IL1R2: variants seen among roughly 807,000 people sequenced by gnomAD.
IL1R2 encodes interleukin-1 receptor type 2.
In IL1R2, 46 loss-of-function variants were observed where a neutral mutation model predicts 39.5. That is an observed-to-expected ratio of 1.16 (90% CI 0.92 to 1.49). The LOEUF (loss-of-function observed/expected upper bound fraction) is 1.49, where lower values mean the gene tolerates loss of function less well. Ranked by LOEUF, IL1R2 falls within the 40% of genes most tolerant of loss-of-function variation. The pLI, the probability that IL1R2 is intolerant of heterozygous loss-of-function variation, is 0.00. For missense variants in IL1R2, 537 were observed against 502.0 expected (o/e 1.07, Z -0.67); for synonymous variants, 207 against 189.6 (o/e 1.09, Z -0.75).
intron 1 of IL1R2, among the ~76,000 whole-genome samples, chr2:102,007,528 G>C (rs1273556057): frequency 6.6e-6 from 1 of 152,110 alleles, no homozygotes; most frequent in African/African-American, 2.4e-5. Flanking sequence ...ATAAAGCAGG[G>C]TTCTGTCAAC....
chr2:101,995,660 C>T (rs752647458), intron 1 of IL1R2, among the ~76,000 whole-genome samples: 24 of 152,170 alleles, frequency 1.6e-4, no homozygotes, highest in Admixed American at 1.3e-3. Flanking sequence ...GTGGTGCCTG[C>T]CCTCCAAGGT....
chr2:102,019,602 G>A (rs200141150), intron 4 of IL1R2, 36 bp from the exon 5 acceptor site: 2 of 1,421,668 alleles, frequency 1.4e-6, no homozygotes, highest in African/African-American at 1.4e-5. Flanking sequence ...ATGTATATTG[G>A]TATAATGTCA....
intron 1 of IL1R2, among the ~76,000 whole-genome samples, chr2:101,998,515 A>G (rs1190040756): frequency 2.6e-4 from 39 of 152,252 alleles, no homozygotes; most frequent in Non-Finnish European, 2.9e-5. Context: ...CAACTATTTT[A>G]TGATAACTCC....
chr2:102,010,534 C>A (rs1271483200), intron 3 of IL1R2, among the ~76,000 whole-genome samples: 1 of 150,958 alleles, frequency 6.6e-6, no homozygotes, highest in Non-Finnish European at 1.5e-5. Flanking sequence ...GGAGATCGAG[C>A]CACTGCGCTC....
intron 1 of IL1R2, among the ~76,000 whole-genome samples, chr2:101,993,290 G>C (rs901634711): frequency 6.6e-6 from 1 of 152,082 alleles, no homozygotes; most frequent in African/African-American, 2.4e-5. Context: ...AGCTTGCCTG[G>C]GATGAGCTGC....
At chr2:102,004,492 CAA>C (rs34596104) in intron 1 of IL1R2, among the ~76,000 whole-genome samples, 15,758 of 99,176 alleles carry the variant, frequency 0.16, 900 homozygotes, top group East Asian at 0.43. Context: ...GGTTATTTGA[CAA>C]AAAAAAAAAA....
intron 3 of IL1R2, among the ~76,000 whole-genome samples, chr2:102,014,975 A>AATAATAATAATAATC (rs778619176): frequency 7.2e-5 from 10 of 138,350 alleles, no homozygotes; most frequent in African/African-American, 2.9e-4. Flanking sequence ...TAATAATAAT[A>AATAATAATAATAATC]ATCATATAAT....
At chr2:101,998,562 G>A (rs1025774036) in intron 1 of IL1R2, among the ~76,000 whole-genome samples, 2 of 152,232 alleles carry the variant, frequency 1.3e-5, no homozygotes, top group African/African-American at 4.8e-5. Flanking sequence ...GGCTCAACTA[G>A]GTGATTCTTC....
chr2:102,001,740 C>A (rs374711302), intron 1 of IL1R2, among the ~76,000 whole-genome samples: 9 of 152,134 alleles, frequency 5.9e-5, no homozygotes, highest in African/African-American at 2.2e-4. Flanking sequence ...TTAAAAAATA[C>A]ATTCTATATT....
At position 102,026,827 on chromosome 2, in the gene IL1R2, A is replaced by G. The variant is rs537782049; in HGVS notation, c.1030+574A>G. Among the ~76,000 whole-genome samples, 611 of 152,354 alleles carry G rather than the reference A, an allele frequency of 4.0e-3. 3 individuals carry two copies. Among genetic ancestry groups the G allele is most frequent in the Non-Finnish European group, 7.1e-3 (482 of 68,026 alleles). On this transcript the variant is annotated intron_variant, in intron 8 of 8. Coordinates refer to ENST00000332549, the MANE Select transcript of IL1R2 (RefSeq NM_004633.4). ...TCATATCAATGTTTAATTGTTGAGC[A>G]GGAGGGAGAGCTGCCTTGAATGTAG...
At position 102,006,749 on chromosome 2, in the gene IL1R2, G is replaced by A. The variant is rs140997338; in HGVS notation, c.-61-1766G>A. On this transcript the variant is annotated intron_variant, in intron 1 of 8. Transcript: ENST00000332549. ...GCCCCAAGGTTGTCACCATCCTTGC[G>A]GAGCCAGAAGAGTCAGGCATGGCAG... 1.4e-3 allele frequency among the ~76,000 whole-genome samples: 219 copies of A among 152,344 alleles called. 2 individuals are homozygous for A. The highest frequency in any genetic ancestry group is 4.9e-3 in the African/African-American group (202 of 41,588).
At chr2:102,004,605 G>C (rs1422331081) in intron 1 of IL1R2, among the ~76,000 whole-genome samples, 2 of 151,988 alleles carry the variant, frequency 1.3e-5, no homozygotes, top group Non-Finnish European at 2.9e-5. Flanking sequence ...GAAATGTCAA[G>C]TTGTCTGTGA....
intron 1 of IL1R2, among the ~76,000 whole-genome samples, chr2:101,992,696 C>T (rs1399714322): frequency 6.6e-6 from 1 of 150,416 alleles, no homozygotes; most frequent in Non-Finnish European, 1.5e-5. Context: ...GAGACCAAGA[C>T]AGAGGGAGAG....
chr2:101,994,389 G>C (rs534604376), intron 1 of IL1R2, among the ~76,000 whole-genome samples: 1 of 152,140 alleles, frequency 6.6e-6, no homozygotes, highest in Non-Finnish European at 1.5e-5. Flanking sequence ...GAGCAGACTC[G>C]GGTTGCTTTT....
intron 1 of IL1R2, among the ~76,000 whole-genome samples, chr2:102,004,252 T>C (rs1056092574): frequency 6.6e-6 from 1 of 152,146 alleles, no homozygotes; most frequent in Non-Finnish European, 1.5e-5. Flanking sequence ...ATATGTACTG[T>C]CTATGACCAG....
chr2:101,995,838 C>A (rs75520936), intron 1 of IL1R2, among the ~76,000 whole-genome samples: 2,257 of 152,262 alleles, frequency 0.015, 56 homozygotes, highest in African/African-American at 0.052. Flanking sequence ...AGTGGGACGC[C>A]CATTGTTTTG....
intron 1 of IL1R2, among the ~76,000 whole-genome samples, chr2:102,002,451 G>A (rs1046785147): frequency 8.5e-6 from 1 of 118,002 alleles, no homozygotes; most frequent in Non-Finnish European, 1.7e-5. Flanking sequence ...ATCTGTGTCT[G>A]TGTCTATGTC....
At chr2:101,999,608 A>G (rs1274328216) in intron 1 of IL1R2, among the ~76,000 whole-genome samples, 2 of 152,232 alleles carry the variant, frequency 1.3e-5, no homozygotes, top group Non-Finnish European at 2.9e-5. Context: ...GACCTGCAAG[A>G]GACCTGGGAG....
intron 3 of IL1R2, among the ~76,000 whole-genome samples, chr2:102,014,228 C>T (rs897526182): frequency 3.9e-5 from 6 of 152,166 alleles, no homozygotes; most frequent in Non-Finnish European, 7.3e-5. Context: ...GGTTTGACCT[C>T]TTTGTAGCTG....
Sources: allele counts gnomAD v4.1 joint callset (sites outside exome capture counted in the v4.1 genomes callset), GRCh38; gene constraint gnomAD v4.1.1; transcripts MANE v1.5; gene names NCBI Gene and HGNC (gene_info 2026-07-23, HGNC 2026-07-21).